The following TMTC2 variants were observed in gnomAD, a reference collection of about 807,000 sequenced individuals.
TMTC2 encodes protein O-mannosyl-transferase TMTC2.
TMTC2 carries 43 observed loss-of-function variants against 82.4 expected under a neutral mutation model. The observed-to-expected ratio is 0.52, with a 90% CI of 0.41 to 0.67. The LOEUF is 0.67. Ranked by LOEUF, TMTC2 falls within the 30% of genes least tolerant of loss-of-function variation. TMTC2 has a pLI of 0.00. For missense variants in TMTC2, 919 were observed against 1,012.4 expected, an observed-to-expected ratio of 0.91 and a Z score of 1.25; for synonymous variants, 408 against 381.9, an observed-to-expected ratio of 1.07 and a Z score of -0.80.
At position 82,701,522 on chromosome 12, in the gene TMTC2, C is replaced by T. The variant is rs565264974; in HGVS notation, c.83+13853C>T. 1.1e-3 allele frequency among the ~76,000 whole-genome samples: 166 copies of T among 146,162 alleles called. 2 individuals are homozygous for T. The highest frequency in any genetic ancestry group is 3.3e-3 in the Admixed American group (47 of 14,108). On this transcript the variant is annotated intron_variant, in intron 1 of 11. Transcript: ENST00000321196. ...ATCCCAGCACTTTGGGAGGCCGAGG[C>T]GGGCGGATCACCTGAGGTTGGGAGT...
intron 1 of TMTC2, among the ~76,000 whole-genome samples, chr12:82,776,074 A>C (rs1041247865): frequency 6.6e-6 from 1 of 152,132 alleles, no homozygotes; most frequent in Non-Finnish European, 1.5e-5. Context: ...ATATGTATAC[A>C]GTGTCCCATT....
At chr12:82,946,705 T>C (rs1877013510) in intron 4 of TMTC2, among the ~76,000 whole-genome samples, 1 of 151,690 alleles carries the variant, frequency 6.6e-6, no homozygotes. Context: ...AAACCACATG[T>C]CATCATCAGA....
chr12:83,116,964 G>A (rs1040859330), intron 11 of TMTC2, among the ~76,000 whole-genome samples: 5 of 152,100 alleles, frequency 3.3e-5, no homozygotes, highest in African/African-American at 9.7e-5. Flanking sequence ...TGTTTTTATT[G>A]TGTTTGCTTT....
chr12:82,930,554 G>T lies in TMTC2; in HGVS notation c.1598+9G>T. 1 of 1,548,696 alleles carries T rather than the reference G, an allele frequency of 6.5e-7. No homozygotes were observed. The highest frequency in any genetic ancestry group is 8.8e-7 in the Non-Finnish European group (1 of 1,130,236). On this transcript the variant is annotated intron_variant, in intron 4 of 11. Transcript: ENST00000321196. ...GACATGCTTTATAATTTGTGAGTAT[G>T]CCTTGCTTCTCTGGTTTGGTTCGTC...
chr12:82,705,971 C>G (rs1313451348), intron 1 of TMTC2, among the ~76,000 whole-genome samples: 2 of 152,084 alleles, frequency 1.3e-5, no homozygotes, highest in African/African-American at 4.8e-5. Flanking sequence ...GATGCTTATG[C>G]TTGAACTGAC....
At chr12:82,963,849 A>ATG (rs1565830383) in intron 4 of TMTC2, among the ~76,000 whole-genome samples, 1 of 105,172 alleles carries the variant, frequency 9.5e-6, no homozygotes, top group Non-Finnish European at 2.0e-5. Flanking sequence ...ATATATATAT[A>ATG]TGTGAAAGTG....
intron 10 of TMTC2, among the ~76,000 whole-genome samples, chr12:83,054,126 A>G (rs1284857663): frequency 6.6e-6 from 1 of 152,028 alleles, no homozygotes; most frequent in Non-Finnish European, 1.5e-5. Flanking sequence ...GTAGATCCCT[A>G]AGTGACGAAA....
intron 4 of TMTC2, among the ~76,000 whole-genome samples, chr12:82,957,563 C>G (rs552895692): frequency 6.6e-6 from 1 of 151,726 alleles, no homozygotes; most frequent in Non-Finnish European, 1.5e-5. Context: ...ACCCCAAAAT[C>G]TAAAAGAATC....
rs1033103565 is a variant in TMTC2, at chr12:82,807,933, A to G, written c.84-49077A>G. 1.3e-5 allele frequency among the ~76,000 whole-genome samples: 2 copies of G among 152,056 alleles called. 1 individual carries two copies. The highest frequency in any genetic ancestry group is 2.9e-5 in the Non-Finnish European group (2 of 67,958). Reference sequence around the variant, plus strand: ...TCCAATTTATATTTGTAGCTACCTAAAAATTATTAGGACTTTCTTATAATG... The same window carrying G: ...TCCAATTTATATTTGTAGCTACCTAGAAATTATTAGGACTTTCTTATAATG... On this transcript the variant is annotated intron_variant, in intron 1 of 11. Transcript: ENST00000321196.
intron 2 of TMTC2, among the ~76,000 whole-genome samples, chr12:82,878,676 A>G (rs998045403): frequency 2.0e-5 from 3 of 152,156 alleles, no homozygotes; most frequent in Admixed American, 6.5e-5. Context: ...AGCTGAGGAC[A>G]TTGGAATCTA....
chr12:83,019,425 G>C (rs182540601), intron 8 of TMTC2, among the ~76,000 whole-genome samples: 3 of 152,230 alleles, frequency 2.0e-5, no homozygotes, highest in Admixed American at 2.0e-4. Context: ...ATGAAATCTA[G>C]TGGATGTTTT....
chr12:82,871,681 C>CTGTGTGTGTG (rs10662218), intron 2 of TMTC2, among the ~76,000 whole-genome samples: 3,238 of 142,114 alleles, frequency 0.023, 118 homozygotes, highest in African/African-American at 0.076. Context: ...CTCTGCTCAT[C>CTGTGTGTGTG]TGTGTGTGTG....
chr12:82,743,960 C>G (rs569442800), intron 1 of TMTC2, among the ~76,000 whole-genome samples: 1 of 152,114 alleles, frequency 6.6e-6, no homozygotes, highest in Admixed American at 6.6e-5. Flanking sequence ...TTCTAAATGT[C>G]AGGTACAGGT....
intron 4 of TMTC2, 116 bp from the exon 5 acceptor site, chr12:82,964,908 G>T (rs368292759): frequency 2.3e-4 from 129 of 556,846 alleles, no homozygotes; most frequent in African/African-American, 1.9e-3. Flanking sequence ...ATATTACCAG[G>T]TTAGCATTTT....
At chr12:82,871,909 C>A (rs1396825688) in intron 2 of TMTC2, among the ~76,000 whole-genome samples, 4 of 151,850 alleles carry the variant, frequency 2.6e-5, no homozygotes, top group African/African-American at 9.7e-5. Flanking sequence ...TAGACAAACA[C>A]CTGCTCTCTC....
chr12:82,907,727 A>G (rs1347765426), intron 3 of TMTC2, among the ~76,000 whole-genome samples: 1 of 152,146 alleles, frequency 6.6e-6, no homozygotes, highest in Non-Finnish European at 1.5e-5. Context: ...TTTAGATTAT[A>G]TTTATCACGG....
At chr12:82,918,125 G>T (rs567688845) in intron 3 of TMTC2, among the ~76,000 whole-genome samples, 2 of 151,818 alleles carry the variant, frequency 1.3e-5, no homozygotes, top group South Asian at 4.2e-4. Flanking sequence ...GCCCAGGCTG[G>T]TCTTGAACTC....
At chr12:83,115,851 G>A (rs891926860) in intron 11 of TMTC2, among the ~76,000 whole-genome samples, 1 of 151,972 alleles carries the variant, frequency 6.6e-6, no homozygotes, top group African/African-American at 2.4e-5. Context: ...GCAGTCGCAC[G>A]AGCTCGGCTC....
chr12:82,840,074 A>G (rs533784894), intron 1 of TMTC2, among the ~76,000 whole-genome samples: 1 of 152,346 alleles, frequency 6.6e-6, no homozygotes, highest in East Asian at 1.9e-4. Flanking sequence ...CCAACATTTC[A>G]GGAAAAAGTG....
Sources: allele counts gnomAD v4.1 joint callset (sites outside exome capture counted in the v4.1 genomes callset), GRCh38; gene constraint gnomAD v4.1.1; transcripts MANE v1.5; gene names NCBI Gene and HGNC (gene_info 2026-07-23, HGNC 2026-07-21).